The following FRRS1 variants were observed in gnomAD, a reference collection of about 807,000 sequenced individuals.
FRRS1 encodes ferric reductase 1.
Under a neutral mutation model 70.7 loss-of-function variants are expected in FRRS1, and 51 were observed. The ratio of observed to expected loss-of-function variants is 0.72; its 90% confidence interval spans 0.58 to 0.91. The LOEUF (loss-of-function observed/expected upper bound fraction) is 0.91. Ranked by LOEUF, FRRS1 falls within the 40% of genes least tolerant of loss-of-function variation. FRRS1 has a pLI of 0.00. For synonymous variants in FRRS1, 225 were observed against 238.7 expected (o/e 0.94, Z 0.53); for missense variants, 672 against 726.0 (o/e 0.93, Z 0.86).
chr1:99,725,128 G>A (rs896431763), intron 9 of FRRS1, among the ~76,000 whole-genome samples: 13 of 151,852 alleles, frequency 8.6e-5, no homozygotes, highest in African/African-American at 3.1e-4. Flanking sequence ...CTTCACATGC[G>A]CAGTTGACAA....
chr1:99,756,739 C>T (rs1656854353), intron 1 of FRRS1, among the ~76,000 whole-genome samples: 2 of 152,076 alleles, frequency 1.3e-5, no homozygotes, highest in African/African-American at 4.8e-5. Flanking sequence ...AGAAGGAAAA[C>T]AATCTTTTTA....
At position 99,708,621 on chromosome 1, in the gene FRRS1, AAAAAATATATATATATATATATATAT is replaced by A. The variant is rs1486866782; in HGVS notation, c.*381_*406del. 2 of 78,872 alleles carry A rather than the reference AAAAAATATATATATATATATATATAT, an allele frequency of 2.5e-5. No individual in the cohort carries two copies. The highest frequency in any genetic ancestry group is 1.3e-4 in the African/African-American group (2 of 14,886). The allele number at this position is 78,872 out of a possible 1,614,324, so 4.9% of individuals were successfully genotyped here. ...TCAAAAAAAAAAAAAAAAAAAAAAA[AAAAAATATATATATATATATATATAT>A]ATATATATATATATATCGTAATATA... On this transcript the variant is annotated 3_prime_UTR_variant, in exon 17 of 17. Coordinates refer to ENST00000646001, the MANE Select transcript of FRRS1 (RefSeq NM_001361041.2).
intron 1 of FRRS1, among the ~76,000 whole-genome samples, chr1:99,753,306 A>G (rs1018730845): frequency 8.6e-5 from 13 of 150,604 alleles, no homozygotes; most frequent in African/African-American, 2.7e-4. Flanking sequence ...AGATTGCTTG[A>G]GCCCAGGAGT....
In FRRS1 at chr1:99,747,194, G is replaced by C. The variant is rs893492096; in HGVS notation, c.333+100C>G. 1.3e-5 allele frequency: 11 copies of C among 834,884 alleles called. 1 individual carries two copies. Among genetic ancestry groups the C allele is most frequent in the South Asian group, 8.9e-5 (5 of 56,080 alleles). The allele number at this position is 834,884 out of a possible 1,614,324, so 51.7% of individuals were successfully genotyped here. On this transcript the variant is annotated intron_variant, in intron 4 of 16. Coordinates refer to ENST00000646001, the MANE Select transcript of FRRS1 (RefSeq NM_001361041.2). The stretch of plus-strand genomic sequence containing the variant: ...CAATAGGCTATTTGTAGTTAAGTCT[G>C]GGGGGAGTCAAAAGTTATACACAGA...
At chr1:99,716,956 A>G (rs1481624662) in intron 11 of FRRS1, among the ~76,000 whole-genome samples, 1 of 152,302 alleles carries the variant, frequency 6.6e-6, no homozygotes, top group South Asian at 2.1e-4. Context: ...TGATGAGTTA[A>G]TCTAACATTC....
At chr1:99,745,210 C>T (rs2100976132) in intron 4 of FRRS1, among the ~76,000 whole-genome samples, 1 of 152,218 alleles carries the variant, frequency 6.6e-6, no homozygotes, top group South Asian at 2.1e-4. Flanking sequence ...CTGCTCTTAC[C>T]TATAAAGCTG....
intron 7 of FRRS1, among the ~76,000 whole-genome samples, chr1:99,732,503 T>C (rs951125): frequency 0.25 from 38,021 of 152,108 alleles, 7,864 homozygotes; most frequent in African/African-American, 0.56. Flanking sequence ...GGCCAGAGAA[T>C]TGAAAATGGC....
At chr1:99,761,081 CA>C (rs1172892504) in intron 1 of FRRS1, among the ~76,000 whole-genome samples, 1 of 152,122 alleles carries the variant, frequency 6.6e-6, no homozygotes, top group East Asian at 1.9e-4. Context: ...TTTCTCTAAT[CA>C]CAGCACCATC....
Position 99,708,846 on chromosome 1 carries a change from C to A in FRRS1, c.*182G>T. ...ATAGGGCATGACATTAATTTATAGT[C>A]TATATGACCCTCTTGAATGTTGTTC... On this transcript the variant is annotated 3_prime_UTR_variant, in exon 17 of 17. Coordinates refer to ENST00000646001, the MANE Select transcript of FRRS1 (RefSeq NM_001361041.2). 1 of 1,253,918 alleles carries A rather than the reference C, an allele frequency of 8.0e-7. No homozygotes were observed. The highest frequency in any genetic ancestry group is 1.2e-6 in the Non-Finnish European group (1 of 857,182). 77.7% of individuals were successfully genotyped at this position (1,253,918 alleles called of 1,614,324 possible).
intron 4 of FRRS1, among the ~76,000 whole-genome samples, chr1:99,742,864 T>C (rs996045103): frequency 4.6e-5 from 7 of 152,192 alleles, no homozygotes; most frequent in African/African-American, 1.7e-4. Flanking sequence ...ATCACACGGT[T>C]CTACTTATGT....
intron 12 of FRRS1, among the ~76,000 whole-genome samples, chr1:99,713,800 G>GA (rs775717365): frequency 3.3e-5 from 5 of 152,098 alleles, no homozygotes; most frequent in African/African-American, 4.8e-5. Context: ...GGGAGATCAA[G>GA]AAAAAATATG....
chr1:99,709,107 T>G lies in FRRS1; in HGVS notation c.1700A>C (p.Lys567Thr). 3 of 1,613,296 alleles carry G rather than the reference T, an allele frequency of 1.9e-6. No homozygotes were observed. Among genetic ancestry groups the G allele is most frequent in the Non-Finnish European group, 2.5e-6 (3 of 1,179,588 alleles). The change falls in exon 17 of 17, where the codon AAA (lysine) becomes ACA (threonine). Residue 567 changes from lysine to threonine, a missense_variant. Lys to Thr is a moderately conservative substitution (Grantham distance 78, BLOSUM62 -1). Transcript: ENST00000646001. ...GACATAAATTGCCAACACTGCCTTTTTAAAAGCATGACCCTGAAAGAAAAA... is the reference window on the plus strand; with the variant it reads ...GACATAAATTGCCAACACTGCCTTTGTAAAAGCATGACCCTGAAAGAAAAA... ...TAVETEGHAF[K>T]KAVLAIYVCG...
chr1:99,756,691 T>C (rs144975978), intron 1 of FRRS1, among the ~76,000 whole-genome samples: 53 of 152,278 alleles, frequency 3.5e-4, no homozygotes, highest in African/African-American at 1.3e-3. Context: ...AACGTCTTAG[T>C]ATTGTGCAAC....
rs754439977 is a variant in FRRS1 at position 99,738,283 on chromosome 1, G to C, written c.577-15C>G. On this transcript the variant is annotated splice_polypyrimidine_tract_variant and intron_variant, in intron 6 of 16. Coordinates refer to ENST00000646001, the MANE Select transcript of FRRS1 (RefSeq NM_001361041.2). ...GAGGCACTGAACTAGAAAAATGACA[G>C]AGGAAAAAAAAATCTTAATTATCAA... 2 of 1,545,964 alleles carry C rather than the reference G, an allele frequency of 1.3e-6. No individual in the cohort carries two copies. The highest frequency in any genetic ancestry group is 1.7e-6 in the Non-Finnish European group (2 of 1,147,952).
At chr1:99,747,172 T>C (rs761333952) in intron 4 of FRRS1, 122 bp downstream of exon 4, 52 of 663,570 alleles carry the variant, frequency 7.8e-5, no homozygotes, top group South Asian at 6.4e-4. Context: ...TGGTCACCAA[T>C]AGGCTATTTG....
intron 4 of FRRS1, among the ~76,000 whole-genome samples, chr1:99,743,059 C>T (rs1455061517): frequency 1.3e-5 from 2 of 152,032 alleles, no homozygotes; most frequent in Non-Finnish European, 2.9e-5. Context: ...AATATTAAAA[C>T]CCTTCAAAAA....
chr1:99,755,512 G>A (rs1250252963), intron 1 of FRRS1, among the ~76,000 whole-genome samples: 8 of 152,194 alleles, frequency 5.3e-5, no homozygotes, highest in Non-Finnish European at 1.0e-4. Flanking sequence ...AAGATTAAAT[G>A]TAGTCATGTG....
At chr1:99,747,516 G>A in intron 3 of FRRS1, 86 bp from the exon 4 acceptor site, 1 of 1,238,918 alleles carries the variant, frequency 8.1e-7, no homozygotes, top group Non-Finnish European at 1.1e-6. Context: ...ATTACAATGA[G>A]GTCTACATAT....
At chr1:99,756,826 G>C (rs1324757426) in intron 1 of FRRS1, among the ~76,000 whole-genome samples, 1 of 152,078 alleles carries the variant, frequency 6.6e-6, no homozygotes, top group East Asian at 1.9e-4. Flanking sequence ...GCTCTTGTTA[G>C]TCATTTATTT....
Sources: gnomAD v4.1 joint callset for allele counts (sites outside exome capture counted in the v4.1 genomes callset) on GRCh38, gnomAD v4.1.1 for gene constraint, MANE v1.5 for transcripts, NCBI Gene and HGNC (gene_info 2026-07-23, HGNC 2026-07-21) for gene names.